ILRUN: variants seen among roughly 807,000 people sequenced by gnomAD.
ILRUN encodes the protein inflammation and lipid regulator with UBA-like and NBR1-like domains.
A neutral mutation model predicts 33.8 loss-of-function variants in ILRUN; 3 were observed. The observed-to-expected ratio is 0.09, with a 90% CI of 0.04 to 0.23. The LOEUF (loss-of-function observed/expected upper bound fraction) is 0.23. Among genes scored for constraint, ILRUN ranks in the 10% least tolerant of loss-of-function variants. The pLI, the probability that ILRUN is intolerant of heterozygous loss-of-function variation, is 1.00. For synonymous variants in ILRUN, 124 were observed against 138.9 expected, an observed-to-expected ratio of 0.89 and a Z score of 0.75; for missense variants, 210 against 375.1, an observed-to-expected ratio of 0.56 and a Z score of 3.64.
Position 34,687,838 on chromosome 6 carries a change from T to C in ILRUN, c.158+8608A>G, listed in dbSNP as rs193241299. 1.9e-3 allele frequency among the ~76,000 whole-genome samples: 293 copies of C among 151,736 alleles called. 1 individual carries two copies. The highest frequency in any genetic ancestry group is 6.7e-3 in the African/African-American group (275 of 41,348). On this transcript the variant is annotated intron_variant, in intron 1 of 4. Coordinates refer to ENST00000374023, the MANE Select transcript of ILRUN (RefSeq NM_024294.4). The stretch of plus-strand genomic sequence containing the variant: ...CCAACTCATACACCGCGGTTGGGAA[T>C]GTAAAATGATTCAGCCATCGTGGAA...
chr6:34,597,677 T>G (rs945638403), intron 4 of ILRUN, among the ~76,000 whole-genome samples: 4 of 152,204 alleles, frequency 2.6e-5, no homozygotes, highest in African/African-American at 9.7e-5. Flanking sequence ...ATATTTGGTT[T>G]TGTCTTGCCA....
intron 3 of ILRUN, among the ~76,000 whole-genome samples, chr6:34,615,476 A>G (rs182909128): frequency 6.6e-6 from 1 of 152,088 alleles, no homozygotes; most frequent in South Asian, 2.1e-4. Context: ...CACACCTGTA[A>G]TCCCAGCTAC....
intron 3 of ILRUN, among the ~76,000 whole-genome samples, chr6:34,635,199 C>T (rs1230795018): frequency 6.6e-6 from 1 of 152,018 alleles, no homozygotes; most frequent in Admixed American, 6.6e-5. Context: ...AATTAAATTG[C>T]TTTCAAGATC....
chr6:34,590,866 G>T (rs561858270), intron 4 of ILRUN, among the ~76,000 whole-genome samples: 1 of 152,310 alleles, frequency 6.6e-6, no homozygotes, highest in East Asian at 1.9e-4. Context: ...TCAGATGGTA[G>T]ATCAGTCAAT....
intron 3 of ILRUN, among the ~76,000 whole-genome samples, chr6:34,612,030 A>G (rs958283138): frequency 6.6e-6 from 1 of 152,242 alleles, no homozygotes; most frequent in Non-Finnish European, 1.5e-5. Flanking sequence ...CCAAGGAGGT[A>G]GAATCATGTG....
At chr6:34,643,559 TA>T (rs368635014) in intron 3 of ILRUN, among the ~76,000 whole-genome samples, 6 of 151,450 alleles carry the variant, frequency 4.0e-5, no homozygotes, top group African/African-American at 1.5e-4. Context: ...GTTAATAATG[TA>T]AAAAAAAACC....
At chr6:34,625,008 T>G (rs1762088301) in intron 3 of ILRUN, among the ~76,000 whole-genome samples, 2 of 152,192 alleles carry the variant, frequency 1.3e-5, no homozygotes, top group African/African-American at 2.4e-5. Context: ...CAAACCTAGC[T>G]GGACCAGTGC....
chr6:34,605,045 G>C (rs1398047860), intron 4 of ILRUN, among the ~76,000 whole-genome samples: 1 of 152,152 alleles, frequency 6.6e-6, no homozygotes, highest in African/African-American at 2.4e-5. Flanking sequence ...GGTGGCTCAC[G>C]CCTGTAATCC....
At chr6:34,667,096 G>GAA (rs570635734) in intron 1 of ILRUN, among the ~76,000 whole-genome samples, 1 of 150,996 alleles carries the variant, frequency 6.6e-6, no homozygotes, top group African/African-American at 2.4e-5. Context: ...AAACTGAGAG[G>GAA]AAAAAAAAAT....
intron 1 of ILRUN, among the ~76,000 whole-genome samples, chr6:34,666,667 T>A (rs1763014412): frequency 1.3e-5 from 2 of 151,984 alleles, no homozygotes; most frequent in African/African-American, 2.4e-5. Context: ...GGCCTGAGAG[T>A]TAACAGTCCT....
chr6:34,611,048 TC>T (rs1180981830), intron 3 of ILRUN, among the ~76,000 whole-genome samples: 4 of 99,540 alleles, frequency 4.0e-5, no homozygotes, highest in African/African-American at 2.1e-4. Context: ...TCTTTCCCCC[TC>T]CCCCTCCCCC....
At chr6:34,673,899 CCACATA>C (rs1763170773) in intron 1 of ILRUN, among the ~76,000 whole-genome samples, 1 of 91,266 alleles carries the variant, frequency 1.1e-5, no homozygotes, top group Non-Finnish European at 2.0e-5. Flanking sequence ...ACAGTAACAA[CCACATA>C]CACACACACA....
chr6:34,615,439 T>C (rs1362213594), intron 3 of ILRUN, among the ~76,000 whole-genome samples: 3 of 150,896 alleles, frequency 2.0e-5, no homozygotes, highest in Admixed American at 1.3e-4. Context: ...CTACTAAAAA[T>C]GCAAAAATTA....
In ILRUN at chr6:34,683,516, A is replaced by G. The variant is rs546950068; in HGVS notation, c.158+12930T>C. 4.9e-3 allele frequency among the ~76,000 whole-genome samples: 269 copies of G among 54,632 alleles called. 8 individuals carry two copies. The highest frequency in any genetic ancestry group is 0.033 in the African/African-American group (241 of 7,402). 35.8% of individuals were successfully genotyped at this position (54,632 alleles called of 152,430 possible). A position where few individuals can be genotyped will look rare whatever the true frequency, so the allele number is the denominator to read the frequency against. On this transcript the variant is annotated intron_variant, in intron 1 of 4. Transcript: ENST00000374023. Reference sequence around the variant, plus strand: ...TATATATACATATATATATATATACATATATATATATACATATTGCACAGA... The same window carrying G: ...TATATATACATATATATATATATACGTATATATATATACATATTGCACAGA...
At chr6:34,690,586 C>A (rs2814950) in intron 1 of ILRUN, among the ~76,000 whole-genome samples, 114,410 of 151,794 alleles carry the variant, frequency 0.75, 43,169 homozygotes, top group South Asian at 0.82. Context: ...GGTTTCCCAT[C>A]AAAAAAAAGC....
rs181475579 is a variant in ILRUN at position 34,626,781 on chromosome 6, C to A, written c.511+19820G>T. On this transcript the variant is annotated intron_variant, in intron 3 of 4. Transcript: ENST00000374023. The stretch of plus-strand genomic sequence containing the variant: ...CTAGCACTTTAGAGGCCGAGGTGGG[C>A]GGATCACGAGGTCAGGAGTTCCAGA... Among the ~76,000 whole-genome samples the A allele has an allele frequency of 9.2e-5, 14 of 152,164 alleles. No homozygotes were observed. The East Asian group carries it at 2.5e-3, about 27-fold the overall frequency.
intron 3 of ILRUN, among the ~76,000 whole-genome samples, chr6:34,631,330 T>TA (rs1419613415): frequency 3.4e-5 from 5 of 148,980 alleles, no homozygotes; most frequent in Non-Finnish European, 5.9e-5. Flanking sequence ...CCCATTCCCC[T>TA]CTTTTTTTTT....
chr6:34,613,306 T>C (rs1415565552), intron 3 of ILRUN, among the ~76,000 whole-genome samples: 1 of 151,936 alleles, frequency 6.6e-6, no homozygotes, highest in African/African-American at 2.4e-5. Flanking sequence ...AAAAGGAAAA[T>C]GTTTAAGTTG....
chr6:34,638,600 G>A (rs1280947809), intron 3 of ILRUN, among the ~76,000 whole-genome samples: 1 of 152,074 alleles, frequency 6.6e-6, no homozygotes, highest in African/African-American at 2.4e-5. Flanking sequence ...AGCTACTTGG[G>A]AGGCTGAGTT....
Sources: gnomAD v4.1 joint callset for allele counts (sites outside exome capture counted in the v4.1 genomes callset) on GRCh38, gnomAD v4.1.1 for gene constraint, MANE v1.5 for transcripts, NCBI Gene and HGNC (gene_info 2026-07-23, HGNC 2026-07-21) for gene names.